RIBC2: variants seen among roughly 807,000 people sequenced by gnomAD.
The protein encoded by RIBC2 is RIB43A-like with coiled-coils protein 2.
In RIBC2, 40 loss-of-function variants were observed where a neutral mutation model predicts 44.3. That is an observed-to-expected ratio of 0.90 (90% CI 0.70 to 1.18). RIBC2 has a LOEUF of 1.18. RIBC2 is among the 50% of genes most tolerant of loss of function. RIBC2 has a pLI of 0.00. For missense variants in RIBC2, 459 were observed against 485.5 expected (o/e 0.95, Z 0.51); for synonymous variants, 171 against 175.0 (o/e 0.98, Z 0.18).
In RIBC2 at chr22:45,417,869, A is replaced by G; in HGVS notation, c.479A>G (p.Gln160Arg). ...AACTTCCATGAGAGGAAGAAATTCC[A>G]AGAGGAACAAAACAGAGAATGGTCT... Reference protein sequence around the residue: ...DLNFHERKKFQEEQNREWSLQ... With the variant: ...DLNFHERKKFREEQNREWSLQ... The change falls in exon 3 of 7, where the codon CAA becomes CGA. Residue 160 changes from glutamine to arginine, a missense_variant. Transcript: ENST00000614167. The G allele has an allele frequency of 1.2e-6, 2 of 1,614,146 alleles. No individual in the cohort carries two copies. The highest frequency in any genetic ancestry group is 1.7e-6 in the Non-Finnish European group (2 of 1,180,032).
At chr22:45,415,601 GTGTATATA>G (rs2087416991) in intron 2 of RIBC2, among the ~76,000 whole-genome samples, 1 of 85,258 alleles carries the variant, frequency 1.2e-5, no homozygotes, top group South Asian at 4.2e-4. Flanking sequence ...TTTTATATAT[GTGTATATA>G]TATATATATA....
At position 45,427,283 on chromosome 22, in the gene RIBC2, C is replaced by T. The variant is rs117452240; in HGVS notation, c.903+1108C>T. ...CCTGCTATCCTTGGCTCCTGGCTCTCACTTCTTAGTGCAAGATGGCTGCTT... is the reference window on the plus strand; with the variant it reads ...CCTGCTATCCTTGGCTCCTGGCTCTTACTTCTTAGTGCAAGATGGCTGCTT... On this transcript the variant is annotated intron_variant, in intron 5 of 6. Coordinates refer to ENST00000614167, the MANE Select transcript of RIBC2 (RefSeq NM_015653.5). 5.4e-3 allele frequency among the ~76,000 whole-genome samples: 822 copies of T among 152,296 alleles called. 3 individuals are homozygous for T. The highest frequency in any genetic ancestry group is 8.5e-3 in the Non-Finnish European group (580 of 68,036).
chr22:45,421,535 T>A (rs62226840), intron 3 of RIBC2, among the ~76,000 whole-genome samples: 1 of 34,722 alleles, frequency 2.9e-5, no homozygotes, highest in Non-Finnish European at 5.0e-5. Context: ...AATAGTATTA[T>A]TAATAATATT....
At chr22:45,422,113 T>A (rs1477902806) in intron 3 of RIBC2, among the ~76,000 whole-genome samples, 177 bp from the exon 4 acceptor site, 1 of 151,970 alleles carries the variant, frequency 6.6e-6, no homozygotes, top group African/African-American at 2.4e-5. Context: ...TAGTGATCAC[T>A]AGCACTCATC....
intron 5 of RIBC2, among the ~76,000 whole-genome samples, chr22:45,430,189 G>T (rs2087566846): frequency 6.6e-6 from 1 of 152,208 alleles, no homozygotes; most frequent in Non-Finnish European, 1.5e-5. Flanking sequence ...CCACTCACCG[G>T]ACACATCCTT....
chr22:45,421,150 C>A (rs1204373694), intron 3 of RIBC2, among the ~76,000 whole-genome samples: 2 of 151,830 alleles, frequency 1.3e-5, no homozygotes, highest in Non-Finnish European at 2.9e-5. Flanking sequence ...ACAAAATTAG[C>A]TGGGCGTGGT....
At chr22:45,426,794 C>T (rs767476200) in intron 5 of RIBC2, among the ~76,000 whole-genome samples, 5 of 152,146 alleles carry the variant, frequency 3.3e-5, no homozygotes, top group Non-Finnish European at 5.9e-5. Context: ...AAGGCCTTTG[C>T]AGTGTTCACA....
rs765862736 is a variant in RIBC2 at position 45,431,007 on chromosome 22, C to G, written c.1011C>G (p.Arg337=). The G allele has an allele frequency of 6.3e-7, 1 of 1,591,512 alleles. No individual in the cohort carries two copies. Among genetic ancestry groups the G allele is most frequent in the Non-Finnish European group, 8.5e-7 (1 of 1,169,700 alleles). The change falls in exon 6 of 7, where the codon CGC becomes CGG. Residue 337 remains arginine, a synonymous_variant. Transcript: ENST00000614167. ...AGCGGCAGCAGTGGCGGCGGCAGCGCGACCTGCGCAGAGCTCTGGACAGCA... is the reference window on the plus strand; with the variant it reads ...AGCGGCAGCAGTGGCGGCGGCAGCGGGACCTGCGCAGAGCTCTGGACAGCA... ...LFERQQWRRQ[R]DLRRALDSSN...
At chr22:45,426,304 T>A in intron 5 of RIBC2, 129 bp downstream of exon 5, 1 of 754,178 alleles carries the variant, frequency 1.3e-6, no homozygotes, top group Non-Finnish European at 2.1e-6. Context: ...GGAGTTTCCC[T>A]TCTAGTCGGT....
At chr22:45,416,023 C>T (rs963630762) in intron 2 of RIBC2, among the ~76,000 whole-genome samples, 1 of 152,156 alleles carries the variant, frequency 6.6e-6, no homozygotes, top group African/African-American at 2.4e-5. Flanking sequence ...TATGCTTGTA[C>T]TATTTATGTA....
chr22:45,426,219 C>T (rs757207524), intron 5 of RIBC2, 44 bp downstream of exon 5: 5 of 1,535,112 alleles, frequency 3.3e-6, no homozygotes, highest in Non-Finnish European at 4.4e-6. Flanking sequence ...GAGCCAGGCT[C>T]TTTGCTCCCA....
chr22:45,431,212 G>A lies in RIBC2; in HGVS notation c.1070+146G>A, dbSNP rs1602123745. 4 of 988,738 alleles carry A rather than the reference G, an allele frequency of 4.0e-6. No homozygotes were observed. The East Asian group carries it at 8.1e-5, about 20-fold the overall frequency. 61.2% of individuals were successfully genotyped at this position (988,738 alleles called of 1,614,324 possible). On this transcript the variant is annotated intron_variant, in intron 6 of 6. Coordinates refer to ENST00000614167, the MANE Select transcript of RIBC2 (RefSeq NM_015653.5). The stretch of plus-strand genomic sequence containing the variant: ...GGACACTGTGGACCTCAAGTGGGCT[G>A]GCTTGGGTTGACAGACCCATGGGCC...
intron 3 of RIBC2, among the ~76,000 whole-genome samples, chr22:45,421,565 T>TTAA (rs1300290447): frequency 3.4e-5 from 4 of 116,874 alleles, no homozygotes; most frequent in African/African-American, 1.4e-4. Context: ...AATAGTATTA[T>TTAA]TAATAATAGT....
rs1027011224 is a variant in RIBC2 at position 45,413,729 on chromosome 22, C to A, written c.-158C>A. 8.4e-7 allele frequency: 1 copy of A among 1,187,214 alleles called. No homozygotes were observed. The highest frequency in any genetic ancestry group is 2.6e-5 in the East Asian group (1 of 38,862). 73.5% of individuals were successfully genotyped at this position (1,187,214 alleles called of 1,614,324 possible). On this transcript the variant is annotated 5_prime_UTR_variant, in exon 1 of 7. Transcript: ENST00000614167. Reference sequence around the variant, plus strand: ...TTCCGAGAGAGCGGGAGCGTCTGTACCTCTGCGGCGTCACTGGGAGCCCGA... The same window carrying A: ...TTCCGAGAGAGCGGGAGCGTCTGTAACTCTGCGGCGTCACTGGGAGCCCGA...
rs1363929929 is a variant in RIBC2, at chr22:45,417,631, A to C, written c.241A>C (p.Met81Leu). Residue 81 changes from methionine (M) to leucine (L), a missense_variant, in exon 3 of 7, where the codon ATG becomes CTG. By Grantham distance (15) the Met-to-Leu change is conservative. Coordinates refer to ENST00000614167, the MANE Select transcript of RIBC2 (RefSeq NM_015653.5). ...TGAAATGAGGCAAAATGACAAAATC[A>C]TGTGCATATTGGAAAACCGGAAAAA... ...AAEMRQNDKIMCILENRKKRD... is the reference protein window; with the variant it reads ...AAEMRQNDKILCILENRKKRD... 1.2e-6 allele frequency: 2 copies of C among 1,613,356 alleles called. No homozygotes were observed. The highest frequency in any genetic ancestry group is 1.7e-5 in the Admixed American group (1 of 59,996).
In RIBC2 at chr22:45,418,237, G is replaced by T. The variant is rs141056365; in HGVS notation, c.556+291G>T. The T allele has an allele frequency of 4.2e-4, 102 of 243,628 alleles. No individual in the cohort carries two copies. The Middle Eastern group carries it at 8.3e-3, about 20-fold the overall frequency. The allele number at this position is 243,628 out of a possible 1,614,324, so 15.1% of individuals were successfully genotyped here. On this transcript the variant is annotated intron_variant, in intron 3 of 6. Coordinates refer to ENST00000614167, the MANE Select transcript of RIBC2 (RefSeq NM_015653.5). ...GTCGGGGTCCCAGTTGGATGCCGGC[G>T]TGCAGAGGTAACTCAGAATCGGTCC...
intron 4 of RIBC2, 25 bp from the exon 5 acceptor site, chr22:45,425,920 ATCT>A (rs1569210421): frequency 1.9e-6 from 3 of 1,596,244 alleles, no homozygotes; most frequent in Middle Eastern, 1.7e-4. Context: ...CACTCGGACC[ATCT>A]TCTTTAATGT....
At position 45,422,375 on chromosome 22, in the gene RIBC2, T is replaced by C; in HGVS notation, c.642T>C (p.Val214=). 6.2e-7 allele frequency: 1 copy of C among 1,614,106 alleles called. No homozygotes were observed. Among genetic ancestry groups the C allele is most frequent in the Non-Finnish European group, 8.5e-7 (1 of 1,179,982 alleles). Residue 214 remains valine, a synonymous_variant, in exon 4 of 7, where the codon GTT becomes GTC. Transcript: ENST00000614167. ...QKLESTTRKA[V]CASVKDFNKS... ...TGGAAAGCACCACCAGAAAGGCAGT[T>C]TGTGCATCTGTGAAAGACTTCAACA...
At position 45,432,458 on chromosome 22, in the gene RIBC2, A is replaced by G; in HGVS notation, c.*96A>G. The G allele has an allele frequency of 1.3e-6, 1 of 751,928 alleles. No individual in the cohort carries two copies. Among genetic ancestry groups the G allele is most frequent in the South Asian group, 1.7e-5 (1 of 60,100 alleles). 46.6% of individuals were successfully genotyped at this position (751,928 alleles called of 1,614,324 possible). A position where few individuals can be genotyped will look rare whatever the true frequency, so the allele number is the denominator to read the frequency against. On this transcript the variant is annotated 3_prime_UTR_variant, in exon 7 of 7. Coordinates refer to ENST00000614167, the MANE Select transcript of RIBC2 (RefSeq NM_015653.5). ...TTAAAGATACACTCCTTGGGCCACAAGTACCCTTCAGCTGTAATCGTCCAC... is the reference window on the plus strand; with the variant it reads ...TTAAAGATACACTCCTTGGGCCACAGGTACCCTTCAGCTGTAATCGTCCAC...
Sources: gnomAD v4.1 joint callset for allele counts (sites outside exome capture counted in the v4.1 genomes callset) on GRCh38, gnomAD v4.1.1 for gene constraint, MANE v1.5 for transcripts, NCBI Gene and HGNC (gene_info 2026-07-23, HGNC 2026-07-21) for gene names.